Variants in DNAJC5 observed in about 807,000 individuals in gnomAD.
The protein encoded by DNAJC5 is DnaJ heat shock protein family (Hsp40) member C5.
DNAJC5 carries 1 observed loss-of-function variant against 23.2 expected under a neutral mutation model. That is an observed-to-expected ratio of 0.04 (90% CI 0.02 to 0.20). The LOEUF (loss-of-function observed/expected upper bound fraction) is 0.20. Among genes scored for constraint, DNAJC5 ranks in the 10% least tolerant of loss-of-function variants. DNAJC5 has a pLI of 1.00. For missense variants in DNAJC5, 180 were observed against 267.0 expected (o/e 0.67, Z 2.27); for synonymous variants, 136 against 120.0 (o/e 1.13, Z -0.87).
intron 1 of DNAJC5, among the ~76,000 whole-genome samples, chr20:63,899,905 G>C (rs117208336): frequency 0.045 from 5,409 of 120,892 alleles, 232 homozygotes; most frequent in East Asian, 0.16. Context: ...TTTTTTGGTT[G>C]GGGGACGGAG....
At chr20:63,912,563 C>G (rs529077938) in intron 1 of DNAJC5, among the ~76,000 whole-genome samples, 35 of 152,252 alleles carry the variant, frequency 2.3e-4, no homozygotes, top group African/African-American at 8.2e-4. Flanking sequence ...CCTTCCCTTG[C>G]CTGACCTACC....
chr20:63,911,773 G>C (rs377144045), intron 1 of DNAJC5, among the ~76,000 whole-genome samples: 145 of 151,730 alleles, frequency 9.6e-4, no homozygotes, highest in Middle Eastern at 3.4e-3. Flanking sequence ...TCCTGGGCTC[G>C]AGTGATCCTC....
intron 1 of DNAJC5, among the ~76,000 whole-genome samples, chr20:63,911,285 G>A (rs2053481351): frequency 6.6e-6 from 1 of 152,186 alleles, no homozygotes; most frequent in Non-Finnish European, 1.5e-5. Flanking sequence ...TGGGCAGGGT[G>A]GCAGCTATGG....
rs538342575 is a variant in DNAJC5, at chr20:63,921,586, G to A, written c.-11-6749G>A. 3.5e-4 allele frequency among the ~76,000 whole-genome samples: 45 copies of A among 129,008 alleles called. No individual in the cohort carries two copies. The East Asian group carries it at 0.013, about 37-fold the overall frequency. 84.6% of individuals were successfully genotyped at this position (129,008 alleles called of 152,430 possible). A position where few individuals can be genotyped will look rare whatever the true frequency, so the allele number is the denominator to read the frequency against. ...AGCCTGGGAGACAGAGCGAGACTCC[G>A]TCTCAAAAAAAAAAAAAAAGAGTTC... is the stretch of plus-strand genomic sequence containing the variant. On this transcript the variant is annotated intron_variant, in intron 1 of 4. Transcript: ENST00000360864.
Position 63,931,677 on chromosome 20 carries a change from C to T in DNAJC5, c.*109C>T. ...GAAGGCAGCCTCCTGCCTGCCCTGG[C>T]CTTGCTGGGGCCCCTCCTGCCTCCA... On this transcript the variant is annotated 3_prime_UTR_variant, in exon 5 of 5. Transcript: ENST00000360864. This position sits in a 1 kb window ranked among gnomAD's most constrained non-coding sequence, Gnocchi z 9.6. 8.1e-7 allele frequency: 1 copy of T among 1,227,740 alleles called. No homozygotes were observed. Among genetic ancestry groups the T allele is most frequent in the South Asian group, 1.3e-5 (1 of 77,638 alleles). 76.1% of individuals were successfully genotyped at this position (1,227,740 alleles called of 1,614,324 possible). A position where few individuals can be genotyped will look rare whatever the true frequency, so the allele number is the denominator to read the frequency against.
At chr20:63,918,519 G>A (rs1327128411) in intron 1 of DNAJC5, among the ~76,000 whole-genome samples, 1 of 152,198 alleles carries the variant, frequency 6.6e-6, no homozygotes, top group Non-Finnish European at 1.5e-5. Context: ...AAACTTCCAA[G>A]TTATTGATAA....
In DNAJC5 at chr20:63,928,557, C is replaced by T. The variant is rs1044540018; in HGVS notation, c.107+105C>T. Reference sequence around the variant, plus strand: ...AACCATTGCACATACTTTATCCTGGCCGACTCAGCGTTGAACTGGTCACAG... The same window carrying T: ...AACCATTGCACATACTTTATCCTGGTCGACTCAGCGTTGAACTGGTCACAG... On this transcript the variant is annotated intron_variant, in intron 2 of 4. Coordinates refer to ENST00000360864, the MANE Select transcript of DNAJC5 (RefSeq NM_025219.3). The surrounding 1 kb of genome is among the most constrained non-coding windows in gnomAD (Gnocchi z 4.6). The T allele has an allele frequency of 2.1e-6, 2 of 951,746 alleles. No individual in the cohort carries two copies. The highest frequency in any genetic ancestry group is 3.4e-6 in the Non-Finnish European group (2 of 595,406). The allele number at this position is 951,746 out of a possible 1,614,324, so 59.0% of individuals were successfully genotyped here.
intron 1 of DNAJC5, among the ~76,000 whole-genome samples, chr20:63,926,386 A>G (rs1246606250): frequency 6.6e-6 from 1 of 151,956 alleles, no homozygotes; most frequent in African/African-American, 2.4e-5. Flanking sequence ...GTTTTCATGG[A>G]TTTCTGTTCC....
intron 1 of DNAJC5, among the ~76,000 whole-genome samples, chr20:63,925,463 A>G (rs1254697634): frequency 6.6e-6 from 1 of 152,104 alleles, no homozygotes; most frequent in Non-Finnish European, 1.5e-5. Context: ...AGCCTGGGCA[A>G]ACAGAGCGAG....
At position 63,932,426 on chromosome 20, in the gene DNAJC5, C is replaced by T. The variant is rs1160596240; in HGVS notation, c.*858C>T. 6.5e-6 allele frequency: 1 copy of T among 152,840 alleles called. No homozygotes were observed. The highest frequency in any genetic ancestry group is 2.4e-5 in the African/African-American group (1 of 41,418). The allele number at this position is 152,840 out of a possible 1,614,324, so 9.5% of individuals were successfully genotyped here. A position where few individuals can be genotyped will look rare whatever the true frequency, so the allele number is the denominator to read the frequency against. On this transcript the variant is annotated 3_prime_UTR_variant, in exon 5 of 5. Transcript: ENST00000360864. The surrounding 1 kb of genome is among the most constrained non-coding windows in gnomAD (Gnocchi z 4.4). ...TTGATGGGGCCAGTCTCCCCCCTCC[C>T]ATCTTGAGGTCGTTCTCCACATTCC...
At chr20:63,930,759 C>G (rs2053662148) in intron 3 of DNAJC5, 92 bp from the exon 4 acceptor site, 17 of 1,595,724 alleles carry the variant, frequency 1.1e-5, no homozygotes, top group Non-Finnish European at 1.4e-5. Context: ...TGGAACGCAC[C>G]CCCTGCCTTC....
At chr20:63,905,732 G>T (rs1363153446) in intron 1 of DNAJC5, among the ~76,000 whole-genome samples, 1 of 151,010 alleles carries the variant, frequency 6.6e-6, no homozygotes, top group African/African-American at 2.4e-5. Context: ...ACCCTGCCCA[G>T]CTAATTTTTT....
At chr20:63,906,365 C>CTGTA (rs1330191644) in intron 1 of DNAJC5, among the ~76,000 whole-genome samples, 1 of 152,044 alleles carries the variant, frequency 6.6e-6, no homozygotes, top group African/African-American at 2.4e-5. Flanking sequence ...GTGCAGGCAC[C>CTGTA]TGTAATTCCA....
chr20:63,910,149 G>C lies in DNAJC5; in HGVS notation c.-12+14826G>C, dbSNP rs577100385. ...GCTTGTTCTAGGCCCCCTTTGTATGGAGAGGTTCAAACCTTGATTGAATAG... is the reference window on the plus strand; with the variant it reads ...GCTTGTTCTAGGCCCCCTTTGTATGCAGAGGTTCAAACCTTGATTGAATAG... On this transcript the variant is annotated intron_variant, in intron 1 of 4. Transcript: ENST00000360864. 3.9e-5 allele frequency among the ~76,000 whole-genome samples: 6 copies of C among 152,306 alleles called. No individual in the cohort carries two copies. In the South Asian group the frequency reaches 1.0e-3, roughly 26 times the overall value.
chr20:63,906,238 C>T (rs1158244477), intron 1 of DNAJC5, among the ~76,000 whole-genome samples: 1 of 151,876 alleles, frequency 6.6e-6, no homozygotes, highest in Non-Finnish European at 1.5e-5. Context: ...TGTAATCCCA[C>T]CACTTCGGGA....
chr20:63,899,192 AC>A (rs1427786420), intron 1 of DNAJC5, among the ~76,000 whole-genome samples: 1 of 152,172 alleles, frequency 6.6e-6, no homozygotes, highest in Admixed American at 6.5e-5. Context: ...AATAGAAGGG[AC>A]AAAGAGGCTG....
At chr20:63,918,604 T>C (rs1373684710) in intron 1 of DNAJC5, among the ~76,000 whole-genome samples, 2 of 152,212 alleles carry the variant, frequency 1.3e-5, no homozygotes, top group Non-Finnish European at 1.5e-5. Flanking sequence ...ATATTTTTTG[T>C]TGTTTTTTTG....
rs1033728546 is a variant in DNAJC5, at chr20:63,935,170, T to C, written c.*3602T>C. The C allele has an allele frequency of 6.6e-6, 1 of 152,298 alleles. No individual in the cohort carries two copies. 9.4% of individuals were successfully genotyped at this position (152,298 alleles called of 1,614,324 possible). A position where few individuals can be genotyped will look rare whatever the true frequency, so the allele number is the denominator to read the frequency against. On this transcript the variant is annotated 3_prime_UTR_variant, in exon 5 of 5. Transcript: ENST00000360864. ...TTTGCGTCGTCACATGCTGTGAGTG[T>C]GGGCTGTGGTGTGTCCGTGTGTGTA...
intron 1 of DNAJC5, among the ~76,000 whole-genome samples, chr20:63,908,234 G>A (rs1227837073): frequency 1.3e-5 from 2 of 152,208 alleles, no homozygotes; most frequent in Non-Finnish European, 2.9e-5. Flanking sequence ...CATGGGAGGT[G>A]GTGGCCAGCC....
Sources: allele counts gnomAD v4.1 joint callset (sites outside exome capture counted in the v4.1 genomes callset), GRCh38; gene constraint gnomAD v4.1.1; non-coding constraint Gnocchi (gnomAD v3.1); transcripts MANE v1.5; gene names NCBI Gene and HGNC (gene_info 2026-07-23, HGNC 2026-07-21).